The following SEMA3C variants were observed in gnomAD, a reference collection of about 807,000 sequenced individuals.
SEMA3C encodes semaphorin 3C.
SEMA3C carries 47 observed loss-of-function variants against 89.4 expected under a neutral mutation model. That is an observed-to-expected ratio of 0.53 (90% CI 0.42 to 0.67). The LOEUF is 0.67. Among genes scored for constraint, SEMA3C ranks in the 30% least tolerant of loss-of-function variants. The pLI is 0.00. For synonymous variants in SEMA3C, 310 were observed against 320.2 expected (o/e 0.97, Z 0.34); for missense variants, 839 against 929.1 (o/e 0.90, Z 1.26).
chr7:80,797,684 C>T (rs1201134095), intron 11 of SEMA3C, among the ~76,000 whole-genome samples: 7 of 152,222 alleles, frequency 4.6e-5, no homozygotes, highest in Non-Finnish European at 1.0e-4. Context: ...AATTATTTCT[C>T]ACATGGTTAT....
At chr7:80,820,932 C>G (rs1189397994) in intron 4 of SEMA3C, among the ~76,000 whole-genome samples, 5 of 152,162 alleles carry the variant, frequency 3.3e-5, no homozygotes, top group African/African-American at 1.2e-4. Context: ...CAGGTTATGT[C>G]TCTCTCATCT....
chr7:80,883,994 T>C (rs754195950), intron 2 of SEMA3C, among the ~76,000 whole-genome samples: 28 of 152,366 alleles, frequency 1.8e-4, no homozygotes, highest in Non-Finnish European at 3.8e-4. Flanking sequence ...TTTAAGTCAC[T>C]GTCATGGCCA....
chr7:80,919,262 C>T, upstream of SEMA3C: 2 of 984,872 alleles, frequency 2.0e-6, no homozygotes, highest in East Asian at 1.2e-4. Flanking sequence ...CGGGCGGGGC[C>T]GACCCTTAGA....
Position 80,836,586 on chromosome 7 carries a change from G to A in SEMA3C, c.104-7841C>T, listed in dbSNP as rs543323146. On this transcript the variant is annotated intron_variant, in intron 2 of 17. Transcript: ENST00000265361. ...CCAGCTACTCGGGAGGCTGAGGCAG[G>A]AGAATTGCTTGAACCTGTGAGGCGG... 2.9e-4 allele frequency among the ~76,000 whole-genome samples: 43 copies of A among 148,180 alleles called. No homozygotes were observed. The South Asian group carries it at 4.9e-3, about 17-fold the overall frequency.
chr7:80,875,980 C>T (rs932510732), intron 2 of SEMA3C, among the ~76,000 whole-genome samples: 2 of 152,042 alleles, frequency 1.3e-5, no homozygotes, highest in Admixed American at 6.6e-5. Flanking sequence ...TGTCACACCT[C>T]AAACTGCAAA....
chr7:80,798,331 T>C, intron 10 of SEMA3C, 95 bp from the exon 11 acceptor site: 2 of 1,096,372 alleles, frequency 1.8e-6, no homozygotes, highest in South Asian at 2.5e-5. Context: ...AAAGTTAATA[T>C]AATCCACCAT....
At chr7:80,758,292 T>G (rs1437994033) in intron 15 of SEMA3C, 39 bp downstream of exon 15, 1 of 1,590,386 alleles carries the variant, frequency 6.3e-7, no homozygotes, top group Non-Finnish European at 8.6e-7. Flanking sequence ...TTGTCTGGTG[T>G]CCTACATTTG....
chr7:80,781,860 A>G (rs1788698427), intron 12 of SEMA3C, among the ~76,000 whole-genome samples: 1 of 152,220 alleles, frequency 6.6e-6, no homozygotes, highest in Non-Finnish European at 1.5e-5. Context: ...CTAGAGAAAC[A>G]TCAGGGATTC....
chr7:80,841,330 A>C (rs1366265541), intron 2 of SEMA3C, among the ~76,000 whole-genome samples: 1 of 152,154 alleles, frequency 6.6e-6, no homozygotes, highest in African/African-American at 2.4e-5. Flanking sequence ...GTAATAAATA[A>C]ATGTAGAAAA....
intron 12 of SEMA3C, among the ~76,000 whole-genome samples, chr7:80,773,449 A>G (rs1323265019): frequency 6.6e-6 from 1 of 152,210 alleles, no homozygotes; most frequent in East Asian, 1.9e-4. Context: ...ACCATTAACC[A>G]TGATGGAGTA....
At chr7:80,777,959 A>G (rs1163424841) in intron 12 of SEMA3C, among the ~76,000 whole-genome samples, 3 of 152,166 alleles carry the variant, frequency 2.0e-5, no homozygotes, top group Admixed American at 6.5e-5. Context: ...TATTTATTCA[A>G]CTAAGGTGTC....
intron 2 of SEMA3C, 24 bp from the exon 3 acceptor site, chr7:80,828,769 G>A (rs757587849): frequency 3.2e-6 from 5 of 1,542,714 alleles, no homozygotes; most frequent in East Asian, 4.5e-5. Flanking sequence ...CAGCACAAGT[G>A]TAGATACAGT....
At chr7:80,819,525 T>A (rs891197164) in intron 4 of SEMA3C, among the ~76,000 whole-genome samples, 1 of 152,204 alleles carries the variant, frequency 6.6e-6, no homozygotes, top group Non-Finnish European at 1.5e-5. Context: ...CAGACACTAT[T>A]CACCTTAAGA....
chr7:80,831,334 T>C (rs1174032255), intron 2 of SEMA3C, among the ~76,000 whole-genome samples: 5 of 152,148 alleles, frequency 3.3e-5, no homozygotes, highest in African/African-American at 7.2e-5. Flanking sequence ...ATCTACCTCA[T>C]TGGGTTGTTG....
At chr7:80,783,894 T>C (rs191580135) in intron 12 of SEMA3C, among the ~76,000 whole-genome samples, 11 of 152,260 alleles carry the variant, frequency 7.2e-5, no homozygotes, top group African/African-American at 1.7e-4. Flanking sequence ...CATGAAACAG[T>C]ATACACTATA....
chr7:80,833,778 T>C (rs1240198321), intron 2 of SEMA3C, among the ~76,000 whole-genome samples: 7 of 152,156 alleles, frequency 4.6e-5, no homozygotes, highest in Non-Finnish European at 1.0e-4. Flanking sequence ...ACCATTTTTT[T>C]TTTTTAGAAC....
At chr7:80,815,608 CAG>C (rs1258650643) in intron 5 of SEMA3C, among the ~76,000 whole-genome samples, 2 of 95,194 alleles carry the variant, frequency 2.1e-5, no homozygotes, top group African/African-American at 7.9e-5. Flanking sequence ...AGATATAAAA[CAG>C]AGTGATGAAG....
intron 2 of SEMA3C, among the ~76,000 whole-genome samples, chr7:80,851,041 TCTCC>T (rs962039286): frequency 2.0e-5 from 3 of 152,120 alleles, no homozygotes; most frequent in Non-Finnish European, 4.4e-5. Flanking sequence ...CCCTCCGATC[TCTCC>T]CTCTGTGGTC....
intron 2 of SEMA3C, among the ~76,000 whole-genome samples, chr7:80,848,003 C>T (rs1370720409): frequency 6.6e-6 from 1 of 152,182 alleles, no homozygotes; most frequent in Admixed American, 6.5e-5. Flanking sequence ...TGAATGCTTT[C>T]AGATTTTACG....
Sources: gnomAD v4.1 joint callset for allele counts (sites outside exome capture counted in the v4.1 genomes callset) on GRCh38, gnomAD v4.1.1 for gene constraint, MANE v1.5 for transcripts, NCBI Gene and HGNC (gene_info 2026-07-23, HGNC 2026-07-21) for gene names.